Variants in OR2L13 observed in about 807,000 individuals in gnomAD.
OR2L13 encodes the protein olfactory receptor family 2 subfamily L member 13, also known as olfactory receptor 2L13.
In OR2L13, 14 loss-of-function variants were observed where a neutral mutation model predicts 15.3. The ratio of observed to expected loss-of-function variants is 0.91; its 90% CI spans 0.60 to 1.43. OR2L13 has a LOEUF of 1.43. OR2L13 is among the 40% of genes most tolerant of loss of function. OR2L13 has a pLI of 0.00. For synonymous variants in OR2L13, 152 were observed against 142.9 expected, an observed-to-expected ratio of 1.06 and a Z score of -0.45; for missense variants, 367 against 387.9, an observed-to-expected ratio of 0.95 and a Z score of 0.45.
At chr1:247,968,914 C>T in the OR2L13 span, among the ~76,000 whole-genome samples, 665 of 152,252 alleles carry the variant, frequency 4.4e-3, 6 homozygotes, top group African/African-American at 0.015. Context: ...CGTGAGGAAT[C>T]GCCACACTGT....
the OR2L13 span, chr1:248,038,450 A>G: frequency 6.2e-7 from 1 of 1,613,738 alleles, no homozygotes. Flanking sequence ...TGTATTTCCT[A>G]CTTAGTCAGC....
chr1:247,990,677 A>G, the OR2L13 span: 3 of 1,531,794 alleles, frequency 2.0e-6, no homozygotes, highest in African/African-American at 4.1e-5. Flanking sequence ...CGTATGAGAA[A>G]AAGAGTGTGT....
At chr1:247,948,999 A>T in the OR2L13 span, 1 of 1,613,606 alleles carries the variant, frequency 6.2e-7, no homozygotes, top group Non-Finnish European at 8.5e-7. Flanking sequence ...GATTCTTCTC[A>T]TCTTCTTGGA....
At chr1:247,993,515 G>A in the OR2L13 span, among the ~76,000 whole-genome samples, 1 of 151,990 alleles carries the variant, frequency 6.6e-6, no homozygotes, top group Non-Finnish European at 1.5e-5. Flanking sequence ...GATATATAAA[G>A]AATGGTAAAT....
chr1:248,012,394 C>T, the OR2L13 span, among the ~76,000 whole-genome samples: 1 of 152,070 alleles, frequency 6.6e-6, no homozygotes, highest in Non-Finnish European at 1.5e-5. Flanking sequence ...CTCATATCCC[C>T]CACATGTGTT....
upstream of OR2L13, among the ~76,000 whole-genome samples, chr1:248,096,518 C>T (rs1224224052): frequency 6.6e-6 from 1 of 152,158 alleles, no homozygotes; most frequent in African/African-American, 2.4e-5. Context: ...CGTGAGGGCT[C>T]TCCATGGTTA....
the OR2L13 span, among the ~76,000 whole-genome samples, chr1:248,051,891 T>C: frequency 6.6e-6 from 1 of 152,178 alleles, no homozygotes; most frequent in Non-Finnish European, 1.5e-5. Flanking sequence ...TTTACAATAA[T>C]TTGATGATTT....
chr1:247,940,720 G>T, the OR2L13 span, among the ~76,000 whole-genome samples: 3 of 107,280 alleles, frequency 2.8e-5, no homozygotes, highest in South Asian at 3.7e-4. Context: ...GTGTGTGTGT[G>T]TGCATACGTG....
the OR2L13 span, among the ~76,000 whole-genome samples, chr1:248,036,611 G>A: frequency 2.6e-5 from 4 of 151,884 alleles, no homozygotes; most frequent in East Asian, 1.9e-4. Context: ...CTCAAAGGTC[G>A]GCTGACCTTT....
chr1:247,970,433 A>T, the OR2L13 span, among the ~76,000 whole-genome samples: 1 of 152,130 alleles, frequency 6.6e-6, no homozygotes, highest in African/African-American at 2.4e-5. Context: ...GTTTTGTAAT[A>T]GTTTTTCTTG....
At chr1:248,086,120 T>C in the OR2L13 span, among the ~76,000 whole-genome samples, 3 of 152,232 alleles carry the variant, frequency 2.0e-5, no homozygotes, top group Admixed American at 6.5e-5. Context: ...TTTAATTTAA[T>C]TTTTTAGTTT....
the OR2L13 span, among the ~76,000 whole-genome samples, chr1:248,025,394 A>G: frequency 2.0e-5 from 3 of 148,972 alleles, no homozygotes; most frequent in African/African-American, 5.2e-5. Context: ...CAAAACCACA[A>G]TGAGATACCA....
chr1:248,061,416 T>C, the OR2L13 span: 1 of 1,614,124 alleles, frequency 6.2e-7, no homozygotes, highest in Non-Finnish European at 8.5e-7. Flanking sequence ...CCCACCTCAC[T>C]GTAGTAACTT....
the OR2L13 span, chr1:248,030,232 A>G: frequency 6.6e-6 from 1 of 152,180 alleles, no homozygotes; most frequent in Non-Finnish European, 1.5e-5. Flanking sequence ...AGGAAATAAT[A>G]AAGGTACTAA....
the OR2L13 span, among the ~76,000 whole-genome samples, chr1:247,989,283 C>G: frequency 2.6e-5 from 4 of 151,960 alleles, no homozygotes; most frequent in Non-Finnish European, 5.9e-5. Flanking sequence ...AAAGACAATT[C>G]AAGAAGGAAA....
chr1:248,077,799 T>A, the OR2L13 span, among the ~76,000 whole-genome samples: 1 of 152,204 alleles, frequency 6.6e-6, no homozygotes, highest in Admixed American at 6.5e-5. Context: ...TGCAGGTAAC[T>A]ATATATTTAT....
the OR2L13 span, among the ~76,000 whole-genome samples, chr1:248,059,139 T>G: frequency 6.6e-6 from 1 of 152,206 alleles, no homozygotes; most frequent in South Asian, 2.1e-4. Flanking sequence ...TGATCATGTG[T>G]GATTATGCAT....
rs768923821 is a variant in OR2L13 at position 248,099,736 on chromosome 1, C to T, written c.361C>T (p.Arg121Cys). 8 of 1,614,078 alleles carry T rather than the reference C, an allele frequency of 5.0e-6. No homozygotes were observed. The highest frequency in any genetic ancestry group is 1.7e-5 in the Admixed American group (1 of 60,006). Reference sequence around the variant, plus strand: ...ACTCCTGACCTCCATGGCCTACGACCGTTATTTGGCCATCTGCCACTCTCT... The same window carrying T: ...ACTCCTGACCTCCATGGCCTACGACTGTTATTTGGCCATCTGCCACTCTCT... Residue 121 changes from arginine (R) to cysteine (C), a missense_variant, in exon 3 of 3, where the codon CGT becomes TGT. Physicochemically the swap from Arg to Cys is radical, Grantham distance 180. Transcript: ENST00000641714.
the OR2L13 span, among the ~76,000 whole-genome samples, chr1:248,011,019 G>A: frequency 1.4e-4 from 22 of 152,026 alleles, no homozygotes; most frequent in African/African-American, 4.1e-4. Flanking sequence ...TACTTTGTCC[G>A]TTAGTTGATG....
Sources: gnomAD v4.1 joint callset for allele counts (sites outside exome capture counted in the v4.1 genomes callset) on GRCh38, gnomAD v4.1.1 for gene constraint, MANE v1.5 for transcripts, NCBI Gene and HGNC (gene_info 2026-07-23, HGNC 2026-07-21) for gene names.